The following CD70 variants were observed in gnomAD, a reference collection of about 807,000 sequenced individuals.
CD70 encodes the protein CD70 antigen.
A neutral mutation model predicts 9.0 loss-of-function variants in CD70; 6 were observed. The observed-to-expected ratio is 0.67, with a 90% confidence interval of 0.37 to 1.32. CD70 has a LOEUF of 1.32. Among genes scored for constraint, CD70 ranks in the 40% most tolerant of loss-of-function variants. CD70 has a pLI of 0.02. For synonymous variants in CD70, 108 were observed against 112.3 expected (o/e 0.96, Z 0.24); for missense variants, 235 against 258.7 (o/e 0.91, Z 0.63).
chr19:6,586,087 G>A lies in CD70; in HGVS notation c.515C>T (p.Thr172Ile). ...GTTTCGGGAAGGCAAAAGTGTCCCA[G>A]TGAGGTTGGTGCAGAGTGTGTCCCC... Reference protein sequence around the residue: ...ARGDTLCTNLTGTLLPSRNTD... With the variant: ...ARGDTLCTNLIGTLLPSRNTD... The change falls in exon 3 of 3, where the codon ACT (threonine) becomes ATT (isoleucine). Residue 172 changes from threonine to isoleucine, a missense_variant. Transcript: ENST00000245903. 1 of 1,614,120 alleles carries A rather than the reference G, an allele frequency of 6.2e-7. No homozygotes were observed. The highest frequency in any genetic ancestry group is 8.5e-7 in the Non-Finnish European group (1 of 1,179,952).
At chr19:6,585,792 A>C, downstream of CD70, 1 of 449,032 alleles carries the variant, frequency 2.2e-6, no homozygotes, top group Non-Finnish European at 4.0e-6. Flanking sequence ...CTCCTGCCTC[A>C]GTCGGCCGAG....
In CD70 at chr19:6,586,335, T is replaced by C; in HGVS notation, c.267A>G (p.Pro89=). The C allele has an allele frequency of 6.2e-7, 1 of 1,613,568 alleles. No homozygotes were observed. The highest frequency in any genetic ancestry group is 8.5e-7 in the Non-Finnish European group (1 of 1,180,008). ...TACGTAGCTGCCCCTTGTCCAGCTC[T>C]GGTCCATGCAGGAAGGAGCGGCCCA... is the stretch of plus-strand genomic sequence containing the variant. ...PALGRSFLHG[P]ELDKGQLRIH... Residue 89 remains proline (P), a synonymous_variant, in exon 3 of 3, where the codon CCA becomes CCG. Transcript: ENST00000245903.
At chr19:6,587,794 C>T (rs974038687) in intron 2 of CD70, among the ~76,000 whole-genome samples, 2 of 152,200 alleles carry the variant, frequency 1.3e-5, no homozygotes, top group Non-Finnish European at 1.5e-5. Flanking sequence ...ACTGCAGCCT[C>T]AGCCTCTGGG....
chr19:6,582,616 T>C (rs200321368), downstream of CD70, among the ~76,000 whole-genome samples: 1 of 151,868 alleles, frequency 6.6e-6, no homozygotes, highest in Non-Finnish European at 1.5e-5. Flanking sequence ...ATGCGGTGTT[T>C]GGTTTTCTGT....
intron 2 of CD70, among the ~76,000 whole-genome samples, chr19:6,587,171 T>TGA (rs200436238): frequency 5.6e-5 from 7 of 125,432 alleles, no homozygotes; most frequent in African/African-American, 1.3e-4. Flanking sequence ...AGAGACAGCA[T>TGA]GAGAGAGAGA....
intron 2 of CD70, among the ~76,000 whole-genome samples, chr19:6,589,174 T>C (rs942198492): frequency 1.4e-5 from 2 of 146,562 alleles, no homozygotes; most frequent in African/African-American, 5.0e-5. Context: ...CCCCGCCCTG[T>C]TTTTCTTCTT....
rs1916017645 is a variant in CD70 at position 6,586,352 on chromosome 19, A to G, written c.250T>C (p.Ser84Pro). 6.2e-7 allele frequency: 1 copy of G among 1,612,938 alleles called. No individual in the cohort carries two copies. The highest frequency in any genetic ancestry group is 8.5e-7 in the Non-Finnish European group (1 of 1,179,954). The change falls in exon 3 of 3, where the codon TCC becomes CCC. Residue 84 changes from serine to proline, a missense_variant. Ser to Pro is a moderately conservative substitution (Grantham distance 74). Coordinates refer to ENST00000245903, the MANE Select transcript of CD70 (RefSeq NM_001252.5). Reference protein sequence around the residue: ...YWQGGPALGRSFLHGPELDKG... With the variant: ...YWQGGPALGRPFLHGPELDKG... ...TCCAGCTCTGGTCCATGCAGGAAGGAGCGGCCCAGTGCTGGGCCCCCCTGC... is the reference window on the plus strand; with the variant it reads ...TCCAGCTCTGGTCCATGCAGGAAGGGGCGGCCCAGTGCTGGGCCCCCCTGC...
Position 6,591,053 on chromosome 19 carries a change from G to T in CD70, c.-51C>A. On this transcript the variant is annotated 5_prime_UTR_variant, in exon 1 of 3. Transcript: ENST00000245903. ...GCAGGAGGGGCGATGGGGGCGCGGAGCGCTGCCGAGAAGGAAGGAAGGAAA... is the reference window on the plus strand; with the variant it reads ...GCAGGAGGGGCGATGGGGGCGCGGATCGCTGCCGAGAAGGAAGGAAGGAAA... 1.3e-6 allele frequency: 2 copies of T among 1,532,404 alleles called. No homozygotes were observed. Among genetic ancestry groups the T allele is most frequent in the Non-Finnish European group, 1.8e-6 (2 of 1,141,364 alleles). 94.9% of individuals were successfully genotyped at this position (1,532,404 alleles called of 1,614,324 possible). A position where few individuals can be genotyped will look rare whatever the true frequency, so the allele number is the denominator to read the frequency against.
At chr19:6,588,631 C>T (rs1479148094) in intron 2 of CD70, among the ~76,000 whole-genome samples, 1 of 152,100 alleles carries the variant, frequency 6.6e-6, no homozygotes, top group African/African-American at 2.4e-5. Flanking sequence ...CAATGCCACC[C>T]ACTCAGATAC....
chr19:6,585,086 A>G (rs1915988640), downstream of CD70, among the ~76,000 whole-genome samples: 1 of 152,034 alleles, frequency 6.6e-6, no homozygotes, highest in African/African-American at 2.4e-5. Context: ...TCCCAGGTTC[A>G]AGAGATTCTC....
chr19:6,582,348 CT>C (rs59168141), downstream of CD70, among the ~76,000 whole-genome samples: 53,951 of 134,688 alleles, frequency 0.4, 11,101 homozygotes, highest in Non-Finnish European at 0.47. Flanking sequence ...GCAGTCAAAT[CT>C]TTTTTTTTTT....
At chr19:6,583,301 C>T (rs1238003497), downstream of CD70, 4 of 690,482 alleles carry the variant, frequency 5.8e-6, no homozygotes, top group Non-Finnish European at 1.1e-5. Context: ...ACAGATGACT[C>T]AACGGTTTAC....
At chr19:6,583,479 C>T, downstream of CD70, 1 of 639,950 alleles carries the variant, frequency 1.6e-6, no homozygotes, top group Non-Finnish European at 2.9e-6. Context: ...CCAAAAAGCC[C>T]TGGAAATCAA....
chr19:6,587,895 G>C (rs1435632937), intron 2 of CD70, among the ~76,000 whole-genome samples: 1 of 152,028 alleles, frequency 6.6e-6, no homozygotes, highest in Non-Finnish European at 1.5e-5. Flanking sequence ...TTGTTCTAGA[G>C]ATGGTGGTCT....
chr19:6,590,092 C>T lies in CD70; in HGVS notation c.196+11G>A, dbSNP rs769614613. On this transcript the variant is annotated intron_variant, in intron 2 of 2. Transcript: ENST00000245903. This position sits in a 1 kb window ranked among gnomAD's most constrained non-coding sequence, Gnocchi z 5.3. ...CTTCTTCTCCCCGTCCCTCCACGTC[C>T]CCCGTGTTACCTGTGTGATTCAGCT... 2.5e-6 allele frequency: 4 copies of T among 1,611,940 alleles called. No homozygotes were observed. The highest frequency in any genetic ancestry group is 1.1e-5 in the South Asian group (1 of 91,008).
At chr19:6,584,238 G>A (rs528772069), downstream of CD70, among the ~76,000 whole-genome samples, 9 of 151,746 alleles carry the variant, frequency 5.9e-5, no homozygotes, top group East Asian at 9.8e-4. Context: ...CGCTAGGCGC[G>A]GTGGCTCACA....
downstream of CD70, among the ~76,000 whole-genome samples, chr19:6,584,048 C>G (rs1454501755): frequency 1.3e-5 from 2 of 150,134 alleles, no homozygotes; most frequent in African/African-American, 2.4e-5. Context: ...CCACCTCGGC[C>G]TCCCAAAGTG....
chr19:6,590,061 G>C lies in CD70; in HGVS notation c.196+42C>G. On this transcript the variant is annotated intron_variant, in intron 2 of 2. Transcript: ENST00000245903. The surrounding 1 kb of genome is among the most constrained non-coding windows in gnomAD (Gnocchi z 5.3). ...TCTACCTCTCCTTCCTTCTCTCTCT[G>C]TGCCTCTTCTTCTCCCCGTCCCTCC... The C allele has an allele frequency of 6.4e-7, 1 of 1,558,320 alleles. No individual in the cohort carries two copies. Among genetic ancestry groups the C allele is most frequent in the Non-Finnish European group, 8.8e-7 (1 of 1,132,744 alleles).
downstream of CD70, among the ~76,000 whole-genome samples, chr19:6,584,877 T>C (rs1915985007): frequency 6.6e-6 from 1 of 151,896 alleles, no homozygotes; most frequent in East Asian, 1.9e-4. Context: ...TCAGTAGAGG[T>C]GAGGTTTCGC....
Sources: gnomAD v4.1 joint callset for allele counts (sites outside exome capture counted in the v4.1 genomes callset) on GRCh38, gnomAD v4.1.1 for gene constraint, Gnocchi (gnomAD v3.1) non-coding constraint, MANE v1.5 for transcripts, NCBI Gene and HGNC (gene_info 2026-07-23, HGNC 2026-07-21) for gene names.